The following S100A16 variants were observed in gnomAD, a reference collection of about 807,000 sequenced individuals.
The protein encoded by S100A16 is S100 calcium binding protein A16.
In S100A16, 8 loss-of-function variants were observed where a neutral mutation model predicts 9.0. The observed-to-expected ratio is 0.89, with a 90% confidence interval of 0.52 to 1.60. S100A16 has a LOEUF of 1.60. Ranked by LOEUF, S100A16 falls within the 40% of genes most tolerant of loss-of-function variation. S100A16 has a pLI of 0.00. For missense variants in S100A16, 138 were observed against 132.4 expected (o/e 1.04, Z -0.21); for synonymous variants, 51 against 51.4 (o/e 0.99, Z 0.04).
chr1:153,610,424 A>G (rs1347869393), intron 1 of S100A16, among the ~76,000 whole-genome samples: 1 of 152,078 alleles, frequency 6.6e-6, no homozygotes, highest in Non-Finnish European at 1.5e-5. Context: ...CTCTCCCACC[A>G]CCTGCCTCCT....
intron 1 of S100A16, chr1:153,608,772 TC>T (rs1432806502): frequency 7.1e-6 from 2 of 282,606 alleles, no homozygotes; most frequent in African/African-American, 4.6e-5. Flanking sequence ...AAGGTCCAGA[TC>T]AATTGGATCA....
rs1193765241 is a variant in S100A16 at position 153,613,118 on chromosome 1, T to G, written c.-193A>C. 1 of 152,348 alleles carries G rather than the reference T, an allele frequency of 6.6e-6. No homozygotes were observed. The highest frequency in any genetic ancestry group is 1.5e-5 in the Non-Finnish European group (1 of 68,248). 9.4% of individuals were successfully genotyped at this position (152,348 alleles called of 1,614,324 possible). A position where few individuals can be genotyped will look rare whatever the true frequency, so the allele number is the denominator to read the frequency against. On this transcript the variant is annotated 5_prime_UTR_variant, in exon 1 of 3. Coordinates refer to ENST00000368706, the MANE Select transcript of S100A16 (RefSeq NM_080388.3). ...CCGCTGAGCTGGCTCGGTGGGGAGA[T>G]AGTGGCTGAGCTCCTTCTTGACTTG...
chr1:153,609,710 T>C (rs1286704450), intron 1 of S100A16, among the ~76,000 whole-genome samples: 2 of 152,224 alleles, frequency 1.3e-5, no homozygotes, highest in Non-Finnish European at 2.9e-5. Flanking sequence ...CCTGGTCCAG[T>C]GCCTTGCTCA....
At position 153,610,236 on chromosome 1, in the gene S100A16, G is replaced by C. The variant is rs79999326; in HGVS notation, c.-26-2059C>G. ...CCCATTTCTGGAAGGACTGTGCCAAGTCCACTCCCAACCAAGACTTGGAAG... is the reference window on the plus strand; with the variant it reads ...CCCATTTCTGGAAGGACTGTGCCAACTCCACTCCCAACCAAGACTTGGAAG... On this transcript the variant is annotated intron_variant, in intron 1 of 2. Transcript: ENST00000368706. 5.8e-3 allele frequency among the ~76,000 whole-genome samples: 876 copies of C among 152,288 alleles called. 2 individuals are homozygous for C. The highest frequency in any genetic ancestry group is 8.9e-3 in the African/African-American group (371 of 41,538).
chr1:153,611,580 C>T (rs1004441791), intron 1 of S100A16, among the ~76,000 whole-genome samples: 1 of 152,156 alleles, frequency 6.6e-6, no homozygotes, highest in Non-Finnish European at 1.5e-5. Flanking sequence ...CATTCACTCT[C>T]ATTCATTCAC....
Position 153,607,674 on chromosome 1 carries a change from C to T in S100A16, c.172G>A (p.Ala58Thr). The change falls in exon 3 of 3, where the codon GCT becomes ACT. Residue 58 changes from alanine to threonine, a missense_variant. By Grantham distance (58) the Ala-to-Thr change is moderately conservative. Transcript: ENST00000368706. Reference protein sequence around the residue: ...HMLSDTGNRKAADKLIQNLDA... With the variant: ...HMLSDTGNRKTADKLIQNLDA... ...AGGTTCTGGATGAGCTTATCCGCAG[C>T]CTTCCGGTTCCCTGTGTCCTGGGGA... 6.2e-7 allele frequency: 1 copy of T among 1,614,178 alleles called. No individual in the cohort carries two copies. Among genetic ancestry groups the T allele is most frequent in the South Asian group, 1.1e-5 (1 of 91,086 alleles).
At chr1:153,608,865 G>A in intron 1 of S100A16, 1 of 949,978 alleles carries the variant, frequency 1.1e-6, no homozygotes, top group Non-Finnish European at 1.3e-6. Flanking sequence ...ATACACAGCA[G>A]GACCCAAGAA....
chr1:153,611,016 G>C (rs1210640292), intron 1 of S100A16, among the ~76,000 whole-genome samples: 2 of 152,092 alleles, frequency 1.3e-5, no homozygotes, highest in Non-Finnish European at 2.9e-5. Context: ...CCAGAAATGT[G>C]GGAATGGGAG....
rs1412479902 is a variant in S100A16 at position 153,607,001 on chromosome 1, C to CG, written c.*532_*533insC. ...AGCAACAGGAGGAGGCTCAGCCTTGCTTAGCTCATTCCCAGATGAAGAGGC... is the reference window on the plus strand; with the variant it reads ...AGCAACAGGAGGAGGCTCAGCCTTGCGTTAGCTCATTCCCAGATGAAGAGGC... On this transcript the variant is annotated 3_prime_UTR_variant, in exon 3 of 3. Coordinates refer to ENST00000368706, the MANE Select transcript of S100A16 (RefSeq NM_080388.3). 3.4e-6 allele frequency: 1 copy of CG among 292,620 alleles called. No individual in the cohort carries two copies. 18.1% of individuals were successfully genotyped at this position (292,620 alleles called of 1,614,324 possible).
chr1:153,609,462 C>T, intron 1 of S100A16: 1 of 629,080 alleles, frequency 1.6e-6, no homozygotes, highest in Non-Finnish European at 2.0e-6. Context: ...CTCCCTGACT[C>T]CCACAGACGT....
At chr1:153,609,661 C>A (rs576572750) in intron 1 of S100A16, among the ~76,000 whole-genome samples, 2 of 152,202 alleles carry the variant, frequency 1.3e-5, no homozygotes, top group African/African-American at 4.8e-5. Context: ...TATACACCAC[C>A]CCCTGCTTTT....
intron 1 of S100A16, among the ~76,000 whole-genome samples, chr1:153,610,607 A>C (rs552897422): frequency 1.3e-5 from 2 of 152,312 alleles, no homozygotes; most frequent in South Asian, 4.1e-4. Flanking sequence ...CCAGTGCCTC[A>C]GGGCTTCAGC....
rs1295025846 is a variant in S100A16, at chr1:153,607,984, G to T, written c.153+15C>A. The T allele has an allele frequency of 6.2e-7, 1 of 1,612,264 alleles. No homozygotes were observed. Among genetic ancestry groups the T allele is most frequent in the Non-Finnish European group, 8.5e-7 (1 of 1,178,778 alleles). On this transcript the variant is annotated intron_variant, in intron 2 of 2. Transcript: ENST00000368706. ...AGGGGAGAGGGAGGCAAGGCCCTTG[G>T]GTGAGAGGCCTTACCGACAGCATGT...
At chr1:153,611,080 A>G (rs1298857672) in intron 1 of S100A16, among the ~76,000 whole-genome samples, 2 of 150,704 alleles carry the variant, frequency 1.3e-5, no homozygotes, top group East Asian at 2.0e-4. Context: ...CCCTACCCCA[A>G]TGTTCTCATT....
At chr1:153,610,449 T>C (rs1000949656) in intron 1 of S100A16, among the ~76,000 whole-genome samples, 5 of 152,188 alleles carry the variant, frequency 3.3e-5, no homozygotes, top group African/African-American at 9.7e-5. Context: ...GTCATTTCTC[T>C]GAGCTGTCTC....
At chr1:153,607,789 C>T (rs1666730419) in intron 2 of S100A16, 97 bp from the exon 3 acceptor site, 1 of 1,475,776 alleles carries the variant, frequency 6.8e-7, no homozygotes. Flanking sequence ...GCCTGCACAG[C>T]TGCTTCCCTT....
chr1:153,607,387 A>G lies in S100A16; in HGVS notation c.*147T>C. 7.9e-6 allele frequency: 7 copies of G among 885,826 alleles called. No homozygotes were observed. In the South Asian group the frequency reaches 1.2e-4, roughly 15 times the overall value. 54.9% of individuals were successfully genotyped at this position (885,826 alleles called of 1,614,324 possible). On this transcript the variant is annotated 3_prime_UTR_variant, in exon 3 of 3. Transcript: ENST00000368706. ...TCTAGACTGAGACACTCACAAAGGGACCCCAGTTCAGCAAGGGTCAGAGGA... is the reference window on the plus strand; with the variant it reads ...TCTAGACTGAGACACTCACAAAGGGGCCCCAGTTCAGCAAGGGTCAGAGGA...
intron 1 of S100A16, chr1:153,609,497 A>G: frequency 2.8e-6 from 1 of 357,946 alleles, no homozygotes; most frequent in Non-Finnish European, 3.9e-6. Flanking sequence ...CTCAGCTAGC[A>G]CTGGCTGGGG....
At chr1:153,608,305 A>G in intron 1 of S100A16, 128 bp from the exon 2 acceptor site, 1 of 741,282 alleles carries the variant, frequency 1.3e-6, no homozygotes, top group Non-Finnish European at 2.2e-6. Context: ...AGAAGGTGGC[A>G]GGAAAAGGGG....
Sources: gnomAD v4.1 joint callset for allele counts (sites outside exome capture counted in the v4.1 genomes callset) on GRCh38, gnomAD v4.1.1 for gene constraint, MANE v1.5 for transcripts, NCBI Gene and HGNC (gene_info 2026-07-23, HGNC 2026-07-21) for gene names.